RASAL3: variants seen among roughly 807,000 people sequenced by gnomAD.
RASAL3 encodes the protein RAS protein activator like-3.
RASAL3 carries 74 observed loss-of-function variants against 105.5 expected under a neutral mutation model. The ratio of observed to expected loss-of-function variants is 0.70; its 90% confidence interval spans 0.58 to 0.85. The LOEUF (loss-of-function observed/expected upper bound fraction) is 0.85. Among genes scored for constraint, RASAL3 ranks in the 40% least tolerant of loss-of-function variants. The pLI is 0.00. For synonymous variants in RASAL3, 579 were observed against 591.6 expected (o/e 0.98, Z 0.31); for missense variants, 1,352 against 1,392.0 (o/e 0.97, Z 0.46).
rs1246508570 is a variant in RASAL3, at chr19:15,452,793, A to G, written c.2693T>C (p.Val898Ala). The stretch of plus-strand genomic sequence containing the variant: ...TTTCTGCTCCTCACGCAGAGCGGCC[A>G]CCTCGCACTGCAGCTCTGCCAACTG... ...VNKLAELQCE[V>A]AALREEQKVL... is the part of the protein sequence containing the mutation. The change falls in exon 16 of 18, where the codon GTG becomes GCG. Residue 898 changes from valine to alanine, a missense_variant. Val to Ala is a moderately conservative substitution (Grantham distance 64). This residue lies in a region of RASAL3 where 920 missense variants were observed against 919.6 expected (regional missense o/e 1.00). Transcript: ENST00000343625. 6 of 1,560,852 alleles carry G rather than the reference A, an allele frequency of 3.8e-6. No homozygotes were observed. Among genetic ancestry groups the G allele is most frequent in the Non-Finnish European group, 5.2e-6 (6 of 1,152,186 alleles).
In RASAL3 at chr19:15,461,028, C is replaced by T. The variant is rs370066058; in HGVS notation, c.606+32G>A. 8.3e-5 allele frequency: 133 copies of T among 1,607,682 alleles called. 1 individual carries two copies. The highest frequency in any genetic ancestry group is 8.3e-4 in the East Asian group (37 of 44,840). ...GAGGGTCCGAGAGTCTTGGCTCTCC[C>T]CTCTACCTCCCACCTTCACTGGCTG... On this transcript the variant is annotated intron_variant, in intron 5 of 17. Coordinates refer to ENST00000343625, the MANE Select transcript of RASAL3 (RefSeq NM_022904.3).
In RASAL3 at chr19:15,453,357, G is replaced by T; in HGVS notation, c.2420C>A (p.Pro807His). The change falls in exon 15 of 18, where the codon CCC becomes CAC. Residue 807 changes from proline to histidine, a missense_variant. Pro to His is a moderately conservative substitution (Grantham distance 77). Transcript: ENST00000343625. This position sits in a 1 kb window ranked among gnomAD's most constrained non-coding sequence, Gnocchi z 4.2. ...WARPRPDEER[P>H]LRRPRPVQRT... ...CTGCACCGGCCGGGGCCGCCGCAGG[G>T]GCCGCTCTTCGTCCGGCCGTGGCCG... The T allele has an allele frequency of 7.0e-7, 1 of 1,435,662 alleles. No individual in the cohort carries two copies. The highest frequency in any genetic ancestry group is 1.4e-5 in the South Asian group (1 of 69,470). 88.9% of individuals were successfully genotyped at this position (1,435,662 alleles called of 1,614,324 possible).
chr19:15,458,768 TCCCCCGTGCCCCCCCCAC>T, intron 6 of RASAL3, 113 bp from the exon 7 acceptor site: 1 of 1,348,362 alleles, frequency 7.4e-7, no homozygotes, highest in Non-Finnish European at 9.8e-7. Context: ...ATCCCGTTTC[TCCCCCGTGCCCCCCCCAC>T]CCCCCGCCAT....
chr19:15,452,058 C>T lies in RASAL3; in HGVS notation c.2879G>A (p.Ser960Asn), dbSNP rs1970167497. ...TGGCAATCTCACCAGGTTTTTCAGA[C>T]TGTGCCCTTCATTGCTTGTTAGGTT... is the stretch of plus-strand genomic sequence containing the variant. ...EHNLTSNEGH[S>N]LKNLEHRLNE... is the part of the protein sequence containing the mutation. The change falls in exon 17 of 18, where the codon AGT (serine) becomes AAT (asparagine). Residue 960 changes from serine to asparagine, a missense_variant. Ser to Asn is a conservative substitution (Grantham distance 46, BLOSUM62 1). Transcript: ENST00000343625. 6.2e-7 allele frequency: 1 copy of T among 1,613,972 alleles called. No homozygotes were observed. The highest frequency in any genetic ancestry group is 8.5e-7 in the Non-Finnish European group (1 of 1,179,866).
rs1264552600 is a variant in RASAL3, at chr19:15,457,847, G to A, written c.889-13C>T. 2.6e-6 allele frequency: 4 copies of A among 1,548,072 alleles called. No individual in the cohort carries two copies. The highest frequency in any genetic ancestry group is 3.5e-6 in the Non-Finnish European group (4 of 1,146,532). Reference sequence around the variant, plus strand: ...GCTCCACGTTGTCCTGCAGATGGGAGTGGGATGGGGGGAAGCGTTTTGGTT... The same window carrying A: ...GCTCCACGTTGTCCTGCAGATGGGAATGGGATGGGGGGAAGCGTTTTGGTT... On this transcript the variant is annotated splice_polypyrimidine_tract_variant and intron_variant, in intron 8 of 17. Coordinates refer to ENST00000343625, the MANE Select transcript of RASAL3 (RefSeq NM_022904.3). The surrounding 1 kb of genome is among the most constrained non-coding windows in gnomAD (Gnocchi z 8.6).
chr19:15,454,504 G>A lies in RASAL3; in HGVS notation c.2017C>T (p.Pro673Ser). 1 of 1,613,988 alleles carries A rather than the reference G, an allele frequency of 6.2e-7. No homozygotes were observed. The highest frequency in any genetic ancestry group is 1.1e-5 in the South Asian group (1 of 91,092). Reference protein sequence around the residue: ...FMNSFLEEHGPAMQCFLDQVA... With the variant: ...FMNSFLEEHGSAMQCFLDQVA... ...TGGTCCAGGAAGCATTGCATGGCTG[G>A]TCCATGTTCCTCCAGGAAGCTATTC... Residue 673 changes from proline to serine, a missense_variant, in exon 13 of 18, where the codon CCA becomes TCA. This residue lies in a region of RASAL3 where 920 missense variants were observed against 919.6 expected (regional missense o/e 1.00). Coordinates refer to ENST00000343625, the MANE Select transcript of RASAL3 (RefSeq NM_022904.3).
Position 15,451,878 on chromosome 19 carries a change from G to A in RASAL3, c.2953C>T (p.Leu985=), listed in dbSNP as rs1233067009. 1.2e-6 allele frequency: 2 copies of A among 1,609,164 alleles called. No individual in the cohort carries two copies. Among genetic ancestry groups the A allele is most frequent in the Admixed American group, 1.7e-5 (1 of 59,958 alleles). Residue 985 remains leucine, a synonymous_variant, in exon 18 of 18, where the codon CTG becomes TTG. Transcript: ENST00000343625. ...QAQLRDAVQS[L]QLSPRTRGSW... ...CCCCGCGTCCTTGGAGAAAGCTGCA[G>A]GCTCTGGACAGCATCCCTCAGCTGA...
rs1055776218 is a variant in RASAL3 at position 15,460,049 on chromosome 19, G to A, written c.662+154C>T. Among the ~76,000 whole-genome samples, 6 of 152,274 alleles carry A rather than the reference G, an allele frequency of 3.9e-5. 1 individual carries two copies. The highest frequency in any genetic ancestry group is 1.4e-4 in the African/African-American group (6 of 41,554). On this transcript the variant is annotated intron_variant, in intron 6 of 17. Transcript: ENST00000343625. Reference sequence around the variant, plus strand: ...GACTTTGCCCCCACCCTGGCTCTGTGCTAGATCATTCAATGTCCCCAGCAT... The same window carrying A: ...GACTTTGCCCCCACCCTGGCTCTGTACTAGATCATTCAATGTCCCCAGCAT...
At position 15,457,864 on chromosome 19, in the gene RASAL3, GT is replaced by G; in HGVS notation, c.889-31del. The G allele has an allele frequency of 6.5e-7, 1 of 1,544,386 alleles. No homozygotes were observed. The highest frequency in any genetic ancestry group is 8.7e-7 in the Non-Finnish European group (1 of 1,145,202). Reference sequence around the variant, plus strand: ...AGATGGGAGTGGGATGGGGGGAAGCGTTTTGGTTTGTTGGCACCCCAAAGAA... The same window carrying G: ...AGATGGGAGTGGGATGGGGGGAAGCGTTTGGTTTGTTGGCACCCCAAAGAA... On this transcript the variant is annotated intron_variant, in intron 8 of 17. Transcript: ENST00000343625. This position sits in a 1 kb window ranked among gnomAD's most constrained non-coding sequence, Gnocchi z 8.6.
At chr19:15,454,314 G>C in intron 13 of RASAL3, 47 bp from the exon 14 acceptor site, 1 of 1,572,946 alleles carries the variant, frequency 6.4e-7, no homozygotes, top group Non-Finnish European at 8.6e-7. Flanking sequence ...TCCAGGGTCA[G>C]AGTCTCCCAA....
At chr19:15,455,232 G>A (rs1291474192) in intron 11 of RASAL3, among the ~76,000 whole-genome samples, 1 of 152,182 alleles carries the variant, frequency 6.6e-6, no homozygotes, top group Non-Finnish European at 1.5e-5. Context: ...AATTAGACAT[G>A]AGACTGGTGG....
At chr19:15,464,402 G>A in intron 1 of RASAL3, 25 bp from the exon 2 acceptor site, 2 of 1,517,874 alleles carry the variant, frequency 1.3e-6, no homozygotes, top group South Asian at 1.1e-5. Context: ...AGTGACAGTA[G>A]TGCCCAGTGT....
chr19:15,451,855 C>T lies in RASAL3; in HGVS notation c.2976G>A (p.Arg992=). The T allele has an allele frequency of 6.2e-7, 1 of 1,608,800 alleles. No individual in the cohort carries two copies. Among genetic ancestry groups the T allele is most frequent in the Non-Finnish European group, 8.5e-7 (1 of 1,176,042 alleles). ...VQSLQLSPRT[R]GSWSQPQPLK... is the part of the protein sequence containing the mutation. ...GGGGCTGGGGTTGACTCCAAGACCC[C>T]CGCGTCCTTGGAGAAAGCTGCAGGC... is the stretch of plus-strand genomic sequence containing the variant. Residue 992 remains arginine (R), a synonymous_variant, in exon 18 of 18, where the codon CGG becomes CGA. Transcript: ENST00000343625.
At position 15,456,455 on chromosome 19, in the gene RASAL3, C is replaced by T; in HGVS notation, c.1576+47G>A. The T allele has an allele frequency of 6.2e-7, 1 of 1,607,640 alleles. No individual in the cohort carries two copies. The highest frequency in any genetic ancestry group is 8.5e-7 in the Non-Finnish European group (1 of 1,176,422). On this transcript the variant is annotated intron_variant, in intron 10 of 17. Coordinates refer to ENST00000343625, the MANE Select transcript of RASAL3 (RefSeq NM_022904.3). This position sits in a 1 kb window ranked among gnomAD's most constrained non-coding sequence, Gnocchi z 4.4. Reference sequence around the variant, plus strand: ...GGACTCTTAGAACTTCACCCAGGTCCCCTAGCTCACCAGCAGGCCGCTGAC... The same window carrying T: ...GGACTCTTAGAACTTCACCCAGGTCTCCTAGCTCACCAGCAGGCCGCTGAC...
In RASAL3 at chr19:15,464,379, T is replaced by C; in HGVS notation, c.-19-2A>G. ...TCCATGGTTGGGGGGGGGGGTCTCC[T>C]GGGGGACGAGAGAGTGACAGTAGTG... On this transcript the variant is annotated splice_acceptor_variant, in intron 1 of 17. Transcript: ENST00000343625. LOFTEE classifies it low-confidence loss of function (5UTR_SPLICE). The C allele has an allele frequency of 3.7e-6, 3 of 817,330 alleles. No homozygotes were observed. The highest frequency in any genetic ancestry group is 3.8e-6 in the Non-Finnish European group (2 of 520,948). The allele number at this position is 817,330 out of a possible 1,614,324, so 50.6% of individuals were successfully genotyped here.
chr19:15,460,237 C>T lies in RASAL3; in HGVS notation c.628G>A (p.Glu210Lys). The change falls in exon 6 of 18, where the codon GAG becomes AAG. Residue 210 changes from glutamate (E) to lysine (K), a missense_variant. Glu to Lys is a moderately conservative substitution (Grantham distance 56). Around this residue, in one of 3 missense-constraint regions of RASAL3, gnomAD observed 344 missense variants for 339.6 expected, o/e 1.01. Transcript: ENST00000343625. ...GGCTCCAACCTGGCCTTTTTCTTCT[C>T]TTTCAGCCTCTTGAGCAACCCCTGT... ...NVRGLLKRLK[E>K]KKKARLEPRD... is the part of the protein sequence containing the mutation. The T allele has an allele frequency of 6.2e-7, 1 of 1,608,970 alleles. No homozygotes were observed. Among genetic ancestry groups the T allele is most frequent in the Non-Finnish European group, 8.5e-7 (1 of 1,177,758 alleles).
At position 15,456,627 on chromosome 19, in the gene RASAL3, C is replaced by G. The variant is rs1456930964; in HGVS notation, c.1451G>C (p.Gly484Ala). ...GRAQALVTDLGTAELARCGGR... is the reference protein window; with the variant it reads ...GRAQALVTDLATAELARCGGR... The stretch of plus-strand genomic sequence containing the variant: ...TCCACAGCGCGCCAGCTCCGCAGTG[C>G]CCAGGTCAGTCACCAGCGCCTAGGA... Residue 484 changes from glycine (G) to alanine (A), a missense_variant, in exon 10 of 18, where the codon GGC (glycine) becomes GCC (alanine). Gly to Ala is a moderately conservative substitution (Grantham distance 60). Coordinates refer to ENST00000343625, the MANE Select transcript of RASAL3 (RefSeq NM_022904.3). The surrounding 1 kb of genome is among the most constrained non-coding windows in gnomAD (Gnocchi z 4.4). The G allele has an allele frequency of 1.9e-6, 3 of 1,612,696 alleles. No individual in the cohort carries two copies. The highest frequency in any genetic ancestry group is 2.5e-6 in the Non-Finnish European group (3 of 1,179,628).
Position 15,454,370 on chromosome 19 carries a change from C to T in RASAL3, c.2151G>A (p.Glu717=). The part of the protein sequence containing the change: ...LHAQLCTIFA[E]LDQTTRDTLE... ...TGGGTTCAGGCCATACCTGGTCAAG[C>T]TCAGCAAAAATTGTACAGAGCTGGG... Residue 717 remains glutamate, a synonymous_variant, in exon 13 of 18, where the codon GAG becomes GAA. Coordinates refer to ENST00000343625, the MANE Select transcript of RASAL3 (RefSeq NM_022904.3). The T allele has an allele frequency of 6.2e-7, 1 of 1,611,604 alleles. No homozygotes were observed. Among genetic ancestry groups the T allele is most frequent in the Non-Finnish European group, 8.5e-7 (1 of 1,178,748 alleles).
In RASAL3 at chr19:15,457,548, G is replaced by T. The variant is rs1970364815; in HGVS notation, c.1175C>A (p.Ala392Asp). 8.7e-7 allele frequency: 1 copy of T among 1,148,176 alleles called. No homozygotes were observed. Among genetic ancestry groups the T allele is most frequent in the Non-Finnish European group, 1.1e-6 (1 of 931,008 alleles). The allele number at this position is 1,148,176 out of a possible 1,614,324, so 71.1% of individuals were successfully genotyped here. Reference protein sequence around the residue: ...RVALALEELDAPRAPAAGLER... With the variant: ...RVALALEELDDPRAPAAGLER... Reference sequence around the variant, plus strand: ...CAGACCGGCGGCAGGCGCGCGTGGGGCGTCCAGCTCCTCCAGCGCCAGGGC... The same window carrying T: ...CAGACCGGCGGCAGGCGCGCGTGGGTCGTCCAGCTCCTCCAGCGCCAGGGC... Residue 392 changes from alanine to aspartate, a missense_variant, in exon 9 of 18, where the codon GCC becomes GAC. Transcript: ENST00000343625. This position sits in a 1 kb window ranked among gnomAD's most constrained non-coding sequence, Gnocchi z 8.6.
Sources: gnomAD v4.1 joint callset for allele counts (sites outside exome capture counted in the v4.1 genomes callset) on GRCh38, gnomAD v4.1.1 for gene constraint, gnomAD v4.1.1 regional missense constraint, Gnocchi (gnomAD v3.1) non-coding constraint, MANE v1.5 for transcripts, NCBI Gene and HGNC (gene_info 2026-07-23, HGNC 2026-07-21) for gene names.